The following C2CD5 variants were observed in gnomAD, a reference collection of about 807,000 sequenced individuals.
C2CD5 encodes the protein C2 domain-containing protein 5.
In C2CD5, 109 loss-of-function variants were observed where a neutral mutation model predicts 130.3. The observed-to-expected ratio is 0.84, with a 90% CI of 0.72 to 0.98. The LOEUF (loss-of-function observed/expected upper bound fraction) is 0.98, where lower values mean the gene tolerates loss of function less well. C2CD5 is among the 50% of genes least tolerant of loss of function. The pLI, the probability that C2CD5 is intolerant of heterozygous loss-of-function variation, is 0.00. For synonymous variants in C2CD5, 454 were observed against 429.2 expected, an observed-to-expected ratio of 1.06 and a Z score of -0.71; for missense variants, 996 against 1,261.8, an observed-to-expected ratio of 0.79 and a Z score of 3.19.
intron 3 of C2CD5, among the ~76,000 whole-genome samples, chr12:22,533,142 A>T (rs534147132): frequency 1.4e-4 from 21 of 152,294 alleles, no homozygotes; most frequent in African/African-American, 5.1e-4. Flanking sequence ...AATAAATGAC[A>T]AAGATGTTTA....
Position 22,449,824 on chromosome 12 carries a change from A to G in C2CD5, c.3092T>C (p.Val1031Ala). 8.1e-6 allele frequency: 13 copies of G among 1,611,676 alleles called. No homozygotes were observed. The highest frequency in any genetic ancestry group is 1.1e-5 in the Non-Finnish European group (13 of 1,178,146). The change falls in exon 27 of 27, where the codon GTG (valine) becomes GCG (alanine). Residue 1031 changes from valine (V) to alanine (A), a missense_variant. Transcript: ENST00000446597. ...VFVRESDLEVVSSQQPTTNCQ... is the reference protein window; with the variant it reads ...VFVRESDLEVASSQQPTTNCQ... ...GTTGGTAGTAGGTTGCTGAGATGAC[A>G]CCACTTCTAAGTCAGATTCACGAAC...
chr12:22,529,067 CCCA>C (rs1228949624), intron 3 of C2CD5, among the ~76,000 whole-genome samples: 5 of 151,824 alleles, frequency 3.3e-5, no homozygotes, highest in Non-Finnish European at 7.4e-5. Flanking sequence ...TTAAAATATC[CCCA>C]CAAGGAAAAC....
At chr12:22,527,330 A>AT (rs752914937) in intron 4 of C2CD5, among the ~76,000 whole-genome samples, 128 of 138,148 alleles carry the variant, frequency 9.3e-4, no homozygotes, top group South Asian at 3.5e-3. Flanking sequence ...ATATATATAT[A>AT]TTTTTTTTTT....
At chr12:22,454,470 C>T (rs1939393591) in intron 25 of C2CD5, among the ~76,000 whole-genome samples, 1 of 152,164 alleles carries the variant, frequency 6.6e-6, no homozygotes, top group South Asian at 2.1e-4. Flanking sequence ...GAACCTGAAC[C>T]ATGTTCCAAT....
At chr12:22,540,061 A>C (rs979893194) in intron 2 of C2CD5, among the ~76,000 whole-genome samples, 11 of 152,272 alleles carry the variant, frequency 7.2e-5, no homozygotes, top group African/African-American at 2.6e-4. Context: ...GAAGTATTAC[A>C]ATCGGGTTTC....
At chr12:22,500,457 T>C (rs562719812) in intron 10 of C2CD5, among the ~76,000 whole-genome samples, 24 of 152,168 alleles carry the variant, frequency 1.6e-4, no homozygotes, top group Non-Finnish European at 3.2e-4. Flanking sequence ...GATTCTCCCA[T>C]CTATCCTTCA....
intron 10 of C2CD5, among the ~76,000 whole-genome samples, chr12:22,501,417 A>G (rs1947778083): frequency 6.6e-6 from 1 of 152,094 alleles, no homozygotes; most frequent in Non-Finnish European, 1.5e-5. Flanking sequence ...CACCCTAAAC[A>G]TCTTTGCCCT....
At chr12:22,512,928 C>T (rs1014792886) in intron 9 of C2CD5, among the ~76,000 whole-genome samples, 44 of 151,766 alleles carry the variant, frequency 2.9e-4, no homozygotes, top group African/African-American at 1.0e-3. Flanking sequence ...TATTTATATT[C>T]TAAGGAATTA....
intron 11 of C2CD5, among the ~76,000 whole-genome samples, chr12:22,492,047 A>G (rs145028349): frequency 6.6e-6 from 1 of 152,200 alleles, no homozygotes; most frequent in Non-Finnish European, 1.5e-5. Context: ...GTCTAGGAGT[A>G]TAACACATGA....
intron 3 of C2CD5, among the ~76,000 whole-genome samples, chr12:22,530,107 T>TACAC (rs1212130924): frequency 3.8e-4 from 42 of 111,568 alleles, no homozygotes; most frequent in African/African-American, 1.7e-3. Flanking sequence ...TATATATATA[T>TACAC]ATATACACAC....
intron 9 of C2CD5, among the ~76,000 whole-genome samples, chr12:22,512,954 A>C (rs1297123718): frequency 6.6e-6 from 1 of 152,054 alleles, no homozygotes; most frequent in Non-Finnish European, 1.5e-5. Flanking sequence ...AATATAATAA[A>C]ATGCTACTGG....
intron 22 of C2CD5, among the ~76,000 whole-genome samples, chr12:22,461,098 C>T (rs1315630147): frequency 6.6e-6 from 1 of 152,122 alleles, no homozygotes; most frequent in African/African-American, 2.4e-5. Flanking sequence ...GAGATGGGAC[C>T]TAAAGAAAGA....
At chr12:22,477,200 T>G (rs1300384120) in intron 15 of C2CD5, 3 of 152,154 alleles carry the variant, frequency 2.0e-5, no homozygotes, top group Non-Finnish European at 4.4e-5. Context: ...ACAAAAATAT[T>G]CATATTTTAC....
Position 22,473,354 on chromosome 12 carries a change from C to T in C2CD5, c.2044-547G>A, listed in dbSNP as rs1188071405. Among the ~76,000 whole-genome samples the T allele has an allele frequency of 3.3e-5, 5 of 152,176 alleles. No homozygotes were observed. In the East Asian group the frequency reaches 9.6e-4, roughly 29 times the overall value. The stretch of plus-strand genomic sequence containing the variant: ...CTGCACCTCAGTTTCTAAGTCCTAA[C>T]CTGCAGACTCGCTAAGCTTCTTCCC... On this transcript the variant is annotated intron_variant, in intron 16 of 26. Coordinates refer to ENST00000446597, the MANE Select transcript of C2CD5 (RefSeq NM_001286176.2).
At chr12:22,458,631 TATGG>T (rs1193117061) in intron 23 of C2CD5, 46 bp from the exon 24 acceptor site, 1 of 795,442 alleles carries the variant, frequency 1.3e-6, no homozygotes, top group Non-Finnish European at 1.7e-6. Flanking sequence ...AAGAAAAAAA[TATGG>T]ATGATGTCTC....
chr12:22,491,542 T>C (rs1281639777), intron 11 of C2CD5, among the ~76,000 whole-genome samples: 1 of 152,084 alleles, frequency 6.6e-6, no homozygotes, highest in Non-Finnish European at 1.5e-5. Context: ...AATTATCCAG[T>C]AGAATGTAAA....
intron 3 of C2CD5, among the ~76,000 whole-genome samples, chr12:22,530,076 CTATATATATATATATATATATA>C (rs918605281): frequency 1.4e-4 from 11 of 77,290 alleles, no homozygotes; most frequent in African/African-American, 3.3e-4. Context: ...TATTTGAGTG[CTATATATATATATATATATATA>C]TATATATATA....
At chr12:22,522,178 T>C (rs971951883) in intron 7 of C2CD5, among the ~76,000 whole-genome samples, 7 of 152,218 alleles carry the variant, frequency 4.6e-5, no homozygotes, top group Admixed American at 3.9e-4. Context: ...CATTTGGTCA[T>C]TCACAGAAAA....
intron 11 of C2CD5, 45 bp downstream of exon 11, chr12:22,493,178 A>C: frequency 9.7e-7 from 1 of 1,030,250 alleles, no homozygotes; most frequent in African/African-American, 1.6e-5. Context: ...TTCAGATGGC[A>C]GTCTAAATTA....
Sources: gnomAD v4.1 joint callset for allele counts (sites outside exome capture counted in the v4.1 genomes callset) on GRCh38, gnomAD v4.1.1 for gene constraint, MANE v1.5 for transcripts, NCBI Gene and HGNC (gene_info 2026-07-23, HGNC 2026-07-21) for gene names.